Variants in ODR4 observed in about 807,000 individuals in gnomAD.
ODR4 encodes the protein odr-4 GPCR localization factor homolog, also known as protein odr-4 homolog.
ODR4 carries 47 observed loss-of-function variants against 60.2 expected under a neutral mutation model. The observed-to-expected ratio is 0.78, with a 90% CI of 0.62 to 1.00. The LOEUF (loss-of-function observed/expected upper bound fraction) is 1.00. ODR4 is among the 50% of genes least tolerant of loss of function. ODR4 has a pLI of 0.00. For missense variants in ODR4, 488 were observed against 530.8 expected (o/e 0.92, Z 0.79); for synonymous variants, 178 against 175.5 (o/e 1.01, Z -0.11).
At chr1:186,409,864 T>G (rs116549108) in intron 12 of ODR4, among the ~76,000 whole-genome samples, 1 of 152,128 alleles carries the variant, frequency 6.6e-6, no homozygotes, top group Non-Finnish European at 1.5e-5. Flanking sequence ...TTTAAAAAAA[T>G]GTCTGTGTAG....
At chr1:186,399,081 C>CTA (rs1448496600) in intron 11 of ODR4, 37 bp downstream of exon 11, 1 of 1,256,622 alleles carries the variant, frequency 8.0e-7, no homozygotes, top group Non-Finnish European at 1.1e-6. Flanking sequence ...TGCGTATCTT[C>CTA]AACTGATATA....
Position 186,402,298 on chromosome 1 carries a change from TCTCTC to T in ODR4, c.1000+3264_1000+3268del, listed in dbSNP as rs746061315. On this transcript the variant is annotated intron_variant, in intron 11 of 13. Coordinates refer to ENST00000287859, the MANE Select transcript of ODR4 (RefSeq NM_017847.6). Reference sequence around the variant, plus strand: ...TCCTTTCTTCCTTTGTTTCTTTCCTTCTCTCCTCTCCTCTTTTCTCCTCTCCTCTT... The same window carrying T: ...TCCTTTCTTCCTTTGTTTCTTTCCTTCTCTCCTCTTTTCTCCTCTCCTCTT... Among the ~76,000 whole-genome samples the T allele has an allele frequency of 4.5e-4, 68 of 150,302 alleles. 1 individual carries two copies. The highest frequency in any genetic ancestry group is 8.7e-4 in the Non-Finnish European group (59 of 67,494).
chr1:186,379,521 A>G (rs895692987), intron 1 of ODR4, among the ~76,000 whole-genome samples: 3 of 151,956 alleles, frequency 2.0e-5, no homozygotes, highest in Non-Finnish European at 4.4e-5. Flanking sequence ...AGGTATGAGT[A>G]AAAGGTTTGA....
downstream of ODR4, among the ~76,000 whole-genome samples, chr1:186,423,172 G>A (rs1292671404): frequency 6.6e-6 from 1 of 152,064 alleles, no homozygotes; most frequent in Non-Finnish European, 1.5e-5. Context: ...TCTTTCAAGG[G>A]GGGTAAAATT....
At chr1:186,376,605 A>C (rs1659778347) in intron 1 of ODR4, among the ~76,000 whole-genome samples, 1 of 152,196 alleles carries the variant, frequency 6.6e-6, no homozygotes, top group African/African-American at 2.4e-5. Flanking sequence ...AAGAAATATA[A>C]ATGGAAGCAT....
At chr1:186,423,627 A>G (rs757389149), downstream of ODR4, among the ~76,000 whole-genome samples, 65 of 150,760 alleles carry the variant, frequency 4.3e-4, 1 homozygote, top group Non-Finnish European at 3.8e-4. Context: ...GCTAATTTTT[A>G]TATTTTTAGT....
rs138195518 is a variant in ODR4, at chr1:186,389,696, G to A, written c.474+72G>A. On this transcript the variant is annotated intron_variant, in intron 6 of 13. Transcript: ENST00000287859. ...TCAATCAAAATTCAGCTTTTATTTA[G>A]TTTTAATAATTTCCATTGCCATCAC... is the stretch of plus-strand genomic sequence containing the variant. The A allele has an allele frequency of 1.7e-3, 1,931 of 1,121,054 alleles. 22 individuals carry two copies. In the African/African-American group the frequency reaches 0.023, roughly 13 times the overall value. 69.4% of individuals were successfully genotyped at this position (1,121,054 alleles called of 1,614,324 possible).
intron 1 of ODR4, among the ~76,000 whole-genome samples, chr1:186,379,468 TCTG>T (rs1659935565): frequency 7.3e-6 from 1 of 136,812 alleles, no homozygotes; most frequent in South Asian, 2.3e-4. Context: ...AAAAAAGAAA[TCTG>T]GTGTGTTGCT....
At chr1:186,423,342 A>G (rs575747314), downstream of ODR4, among the ~76,000 whole-genome samples, 2 of 152,228 alleles carry the variant, frequency 1.3e-5, no homozygotes, top group East Asian at 3.8e-4. Flanking sequence ...TGTAAAGTCA[A>G]AAGCACTATT....
In ODR4 at chr1:186,398,862, C is replaced by T. The variant is rs1660800853; in HGVS notation, c.910-92C>T. 3.3e-6 allele frequency: 3 copies of T among 915,744 alleles called. No homozygotes were observed. In the South Asian group the frequency reaches 5.4e-5, roughly 17 times the overall value. 56.7% of individuals were successfully genotyped at this position (915,744 alleles called of 1,614,324 possible). A position where few individuals can be genotyped will look rare whatever the true frequency, so the allele number is the denominator to read the frequency against. ...CAGTTATTTAGTGGGCATGATTGTACTGGAAAGCAAATTATTTTTTTTGTT... is the reference window on the plus strand; with the variant it reads ...CAGTTATTTAGTGGGCATGATTGTATTGGAAAGCAAATTATTTTTTTTGTT... On this transcript the variant is annotated intron_variant, in intron 10 of 13. Transcript: ENST00000287859.
Position 186,375,992 on chromosome 1 carries a change from T to TTGTGTG in ODR4, c.-20+18_-20+19insTGTGTG. 9.9e-6 allele frequency: 1 copy of TTGTGTG among 100,708 alleles called. No homozygotes were observed. Among genetic ancestry groups the TTGTGTG allele is most frequent in the Non-Finnish European group, 2.2e-5 (1 of 45,434 alleles). The allele number at this position is 100,708 out of a possible 1,614,324, so 6.2% of individuals were successfully genotyped here. ...GAAAACAGGTAAGTCAGCCTAAGTG[T>TTGTGTG]AGTGTGTGTGTGTGTGTGTGTGTGT... On this transcript the variant is annotated intron_variant, in intron 1 of 13. Transcript: ENST00000287859.
chr1:186,413,958 A>G (rs1661462566), intron 12 of ODR4, among the ~76,000 whole-genome samples: 2 of 152,198 alleles, frequency 1.3e-5, no homozygotes, highest in South Asian at 4.1e-4. Context: ...TAACATGATC[A>G]GTTTTCGATT....
Position 186,417,557 on chromosome 1 carries a change from T to G in ODR4, c.1200T>G (p.Ser400=), listed in dbSNP as rs369992942. The G allele has an allele frequency of 2.3e-5, 36 of 1,581,888 alleles. No homozygotes were observed. The highest frequency in any genetic ancestry group is 3.1e-5 in the Non-Finnish European group (36 of 1,158,382). Residue 400 remains serine, a synonymous_variant, in exon 13 of 14, where the codon TCT becomes TCG. Transcript: ENST00000287859. ...AEETNTACMS[S]SMNSQASLDN... ...ATACCCTTTCAGCTTGTATGAGTTC[T>G]TCTATGAATAGTCAAGCTTCATTGG...
downstream of ODR4, among the ~76,000 whole-genome samples, chr1:186,422,152 T>A (rs188105337): frequency 0.065 from 9,857 of 150,976 alleles, 455 homozygotes; most frequent in Non-Finnish European, 0.099. Flanking sequence ...AAAAAAAAAA[T>A]TTTTTTTAAA....
rs543780202 is a variant in ODR4 at position 186,382,022 on chromosome 1, A to G, written c.100-1000A>G. 3.9e-5 allele frequency among the ~76,000 whole-genome samples: 6 copies of G among 152,144 alleles called. No homozygotes were observed. In the East Asian group the frequency reaches 1.2e-3, roughly 29 times the overall value. On this transcript the variant is annotated intron_variant, in intron 2 of 13. Coordinates refer to ENST00000287859, the MANE Select transcript of ODR4 (RefSeq NM_017847.6). The stretch of plus-strand genomic sequence containing the variant: ...TATTTTCACTCTTTTTTTATAGGAA[A>G]CTTTCACTGTAGTGAAACTGAGCTA...
chr1:186,419,271 C>T lies in ODR4; in HGVS notation c.*195C>T, dbSNP rs776638678. On this transcript the variant is annotated 3_prime_UTR_variant, in exon 14 of 14. Coordinates refer to ENST00000287859, the MANE Select transcript of ODR4 (RefSeq NM_017847.6). ...AGCCTGCTTTACATTGTAGGTGGCC[C>T]GCATTTCCAGAAATAACGTTATGCA... 2.7e-5 allele frequency: 15 copies of T among 563,358 alleles called. No individual in the cohort carries two copies. The highest frequency in any genetic ancestry group is 3.8e-5 in the African/African-American group (2 of 53,164). 34.9% of individuals were successfully genotyped at this position (563,358 alleles called of 1,614,324 possible). A position where few individuals can be genotyped will look rare whatever the true frequency, so the allele number is the denominator to read the frequency against.
At chr1:186,434,941 C>A in the ODR4 span, among the ~76,000 whole-genome samples, 45 of 152,242 alleles carry the variant, frequency 3.0e-4, no homozygotes, top group African/African-American at 9.4e-4. Flanking sequence ...TTAATTCAAG[C>A]TAGTCTGTGT....
rs553762290 is a variant in ODR4 at position 186,379,023 on chromosome 1, G to T, written c.-19-744G>T. Among the ~76,000 whole-genome samples the T allele has an allele frequency of 4.6e-5, 7 of 152,312 alleles. 1 individual carries two copies. The South Asian group carries it at 1.4e-3, about 32-fold the overall frequency. On this transcript the variant is annotated intron_variant, in intron 1 of 13. Transcript: ENST00000287859. ...TTTCATATATGCTTATCAAGTAAAT[G>T]AATTTGACTCTACCTCCTAATGAAC... is the stretch of plus-strand genomic sequence containing the variant.
chr1:186,390,989 C>T (rs1660447518), intron 7 of ODR4, 138 bp downstream of exon 7: 2 of 912,080 alleles, frequency 2.2e-6, no homozygotes, highest in Non-Finnish European at 3.2e-6. Context: ...TAACTTATTA[C>T]CGCAGCCAAA....
Sources: allele counts gnomAD v4.1 joint callset (sites outside exome capture counted in the v4.1 genomes callset), GRCh38; gene constraint gnomAD v4.1.1; transcripts MANE v1.5; gene names NCBI Gene and HGNC (gene_info 2026-07-23, HGNC 2026-07-21).